Variants in ZNF222 observed in about 807,000 individuals in gnomAD.
The protein encoded by ZNF222 is zinc finger protein 222.
A neutral mutation model predicts 11.6 loss-of-function variants in ZNF222; 8 were observed. The observed-to-expected ratio is 0.69, with a 90% confidence interval of 0.41 to 1.25. The LOEUF (loss-of-function observed/expected upper bound fraction) is 1.25. ZNF222 is among the 50% of genes most tolerant of loss of function. The pLI, the probability that ZNF222 is intolerant of heterozygous loss-of-function variation, is 0.01. For synonymous variants in ZNF222, 171 were observed against 195.6 expected (o/e 0.87, Z 1.05); for missense variants, 483 against 576.1 (o/e 0.84, Z 1.65).
chr19:44,032,827 T>A lies in ZNF222; in HGVS notation c.1273T>A (p.Leu425Met). 6.2e-7 allele frequency: 1 copy of A among 1,613,352 alleles called. No individual in the cohort carries two copies. Among genetic ancestry groups the A allele is most frequent in the South Asian group, 1.1e-5 (1 of 90,872 alleles). ...GKSFRHASSI[L>M]NHKKLHCQRK... ...GAGCTTTAGACATGCTTCTAGTATTTTGAATCATAAGAAACTCCACTGCCA... is the reference window on the plus strand; with the variant it reads ...GAGCTTTAGACATGCTTCTAGTATTATGAATCATAAGAAACTCCACTGCCA... Residue 425 changes from leucine to methionine, a missense_variant, in exon 4 of 4, where the codon TTG becomes ATG. Transcript: ENST00000391960.
Position 44,025,517 on chromosome 19 carries a change from G to T in ZNF222, c.42+39G>T. ...CGGGCGGGGATTGCCGTTCCAGTCA[G>T]CTGAGCCTTCTGGCGTCGGGGGGCT... is the stretch of plus-strand genomic sequence containing the variant. On this transcript the variant is annotated intron_variant, in intron 1 of 3. Transcript: ENST00000391960. The surrounding 1 kb of genome is among the most constrained non-coding windows in gnomAD (Gnocchi z 4.6). 1 of 1,530,472 alleles carries T rather than the reference G, an allele frequency of 6.5e-7. No homozygotes were observed. The highest frequency in any genetic ancestry group is 1.2e-5 in the South Asian group (1 of 81,324). The allele number at this position is 1,530,472 out of a possible 1,614,324, so 94.8% of individuals were successfully genotyped here.
At position 44,032,915 on chromosome 19, in the gene ZNF222, AC is replaced by A; in HGVS notation, c.1363del (p.Gln455AsnfsTer24). On this transcript the variant is annotated frameshift_variant, in exon 4 of 4. Transcript: ENST00000391960. LOFTEE classifies it low-confidence loss of function (END_TRUNC). ...CTTGTATGCCGGTCATACTGTAAAG[AC>A]CAACAAAGAGACCACAGTGGAGAAA... ...KRLVCRSYCK[D>X]QQRDHSGENP... 1 of 1,612,954 alleles carries A rather than the reference AC, an allele frequency of 6.2e-7. No individual in the cohort carries two copies. The highest frequency in any genetic ancestry group is 1.1e-5 in the South Asian group (1 of 90,652).
intron 1 of ZNF222, 60 bp from the exon 2 acceptor site, chr19:44,026,963 C>A: frequency 6.2e-7 from 1 of 1,607,674 alleles, no homozygotes. Context: ...CAGTGCAATG[C>A]TGCTGTCTCC....
intron 3 of ZNF222, among the ~76,000 whole-genome samples, chr19:44,031,339 G>A (rs1976496632): frequency 6.6e-6 from 1 of 152,208 alleles, no homozygotes; most frequent in South Asian, 2.1e-4. Flanking sequence ...AAACCAGGGT[G>A]CACTTGGAAA....
intron 3 of ZNF222, among the ~76,000 whole-genome samples, chr19:44,029,191 G>GTTTTTTTTTTTTTT (rs1171435860): frequency 0.011 from 683 of 61,722 alleles, 4 homozygotes; most frequent in Middle Eastern, 0.045. Flanking sequence ...GTTTTGTTTT[G>GTTTTTTTTTTTTTT]TTTTTTTTTT....
chr19:44,031,723 CA>C (rs1320176072), intron 3 of ZNF222, 93 bp from the exon 4 acceptor site: 46 of 1,389,236 alleles, frequency 3.3e-5, no homozygotes, highest in Non-Finnish European at 4.2e-5. Context: ...CCTCACAGTC[CA>C]CCCGCCTCGG....
At chr19:44,030,555 G>A (rs188267272) in intron 3 of ZNF222, among the ~76,000 whole-genome samples, 1 of 152,322 alleles carries the variant, frequency 6.6e-6, no homozygotes, top group African/African-American at 2.4e-5. Context: ...GGGAAAACAT[G>A]CATATTATAG....
rs1976536893 is a variant in ZNF222, at chr19:44,032,812, C to T, written c.1258C>T (p.His420Tyr). 3.1e-6 allele frequency: 5 copies of T among 1,613,876 alleles called. No homozygotes were observed. Among genetic ancestry groups the T allele is most frequent in the Non-Finnish European group, 4.2e-6 (5 of 1,179,958 alleles). The change falls in exon 4 of 4, where the codon CAT (histidine) becomes TAT (tyrosine). Residue 420 changes from histidine (H) to tyrosine (Y), a missense_variant. His to Tyr is a moderately conservative substitution (Grantham distance 83). Transcript: ENST00000391960. ...TGATAACTGCGGGAAGAGCTTTAGACATGCTTCTAGTATTTTGAATCATAA... is the reference window on the plus strand; with the variant it reads ...TGATAACTGCGGGAAGAGCTTTAGATATGCTTCTAGTATTTTGAATCATAA... ...NCDNCGKSFR[H>Y]ASSILNHKKL...
Position 44,032,414 on chromosome 19 carries a change from A to G in ZNF222, c.860A>G (p.His287Arg). ...ATGCACAATTTCCAGCTTCAGAAAC[A>G]TCACAGAATTCATACTGGGGAGAAG... ...AFMHNFQLQK[H>R]HRIHTGEKPF... Residue 287 changes from histidine to arginine, a missense_variant, in exon 4 of 4, where the codon CAT becomes CGT. Transcript: ENST00000391960. 1 of 1,614,248 alleles carries G rather than the reference A, an allele frequency of 6.2e-7. No individual in the cohort carries two copies. The highest frequency in any genetic ancestry group is 8.5e-7 in the Non-Finnish European group (1 of 1,180,048).
chr19:44,025,383 A>G lies in ZNF222; in HGVS notation c.-54A>G. 3 of 1,543,892 alleles carry G rather than the reference A, an allele frequency of 1.9e-6. No individual in the cohort carries two copies. Among genetic ancestry groups the G allele is most frequent in the Non-Finnish European group, 2.6e-6 (3 of 1,139,996 alleles). On this transcript the variant is annotated 5_prime_UTR_variant, in exon 1 of 4. Coordinates refer to ENST00000391960, the MANE Select transcript of ZNF222 (RefSeq NM_001129996.2). This position sits in a 1 kb window ranked among gnomAD's most constrained non-coding sequence, Gnocchi z 4.6. ...CCACAGTAGTTTGAGTCATTTCCAC[A>G]TCTTGCGAGTCCTTCCGAACGAGTC...
chr19:44,026,552 A>ATTTTTTT (rs1238495791), intron 1 of ZNF222, among the ~76,000 whole-genome samples: 4 of 126,660 alleles, frequency 3.2e-5, no homozygotes, highest in African/African-American at 1.7e-4. Context: ...CTATATATAT[A>ATTTTTTT]TATATTTTTT....
rs778386139 is a variant in ZNF222 at position 44,032,094 on chromosome 19, A to C, written c.540A>C (p.Ser180=). 6 of 1,614,124 alleles carry C rather than the reference A, an allele frequency of 3.7e-6. No homozygotes were observed. Among genetic ancestry groups the C allele is most frequent in the African/African-American group, 1.3e-5 (1 of 74,950 alleles). The change falls in exon 4 of 4, where the codon TCA becomes TCC. Residue 180 remains serine, a synonymous_variant. Coordinates refer to ENST00000391960, the MANE Select transcript of ZNF222 (RefSeq NM_001129996.2). ...SFFDLPQQLY[S]GEKSHTCDEC... is the part of the protein sequence containing the mutation. ...TTGATCTTCCTCAGCAGTTATATTCAGGAGAGAAGTCTCATACCTGTGATG... is the reference window on the plus strand; with the variant it reads ...TTGATCTTCCTCAGCAGTTATATTCCGGAGAGAAGTCTCATACCTGTGATG...
In ZNF222 at chr19:44,031,813, A is replaced by T; in HGVS notation, c.263-4A>T. The T allele has an allele frequency of 6.2e-7, 1 of 1,611,334 alleles. No homozygotes were observed. The highest frequency in any genetic ancestry group is 8.5e-7 in the Non-Finnish European group (1 of 1,178,508). ...CCACATGTCTTAATTCTGTGTCCTT[A>T]TAGGAGGCAAGATCCAAACTGAGAT... On this transcript the variant is annotated splice_polypyrimidine_tract_variant and splice_region_variant and intron_variant, in intron 3 of 3. Transcript: ENST00000391960.
At position 44,032,978 on chromosome 19, in the gene ZNF222, A is replaced by G; in HGVS notation, c.1424A>G (p.Lys475Arg). The change falls in exon 4 of 4, where the codon AAG becomes AGG. Residue 475 changes from lysine (K) to arginine (R), a missense_variant. Coordinates refer to ENST00000391960, the MANE Select transcript of ZNF222 (RefSeq NM_001129996.2). ...SKCEDCGKRY[K>R]RRLNLDIILS... ...TGTGAGGACTGTGGGAAGCGCTACA[A>G]GAGGCGCTTGAATCTGGATATAATT... 1 of 1,575,544 alleles carries G rather than the reference A, an allele frequency of 6.3e-7. No homozygotes were observed. The highest frequency in any genetic ancestry group is 8.6e-7 in the Non-Finnish European group (1 of 1,168,964).
In ZNF222 at chr19:44,027,056, T is replaced by C; in HGVS notation, c.76T>C (p.Phe26Leu). ...AVTFKDVAVI[F>L]TEEELGLLDP... is the part of the protein sequence containing the mutation. ...GACCTTCAAGGATGTGGCTGTGATC[T>C]TCACTGAGGAGGAGCTGGGGCTGCT... The change falls in exon 2 of 4, where the codon TTC (phenylalanine) becomes CTC (leucine). Residue 26 changes from phenylalanine to leucine, a missense_variant. Physicochemically the swap from Phe to Leu is conservative, Grantham distance 22 (BLOSUM62 0). Transcript: ENST00000391960. 6.2e-7 allele frequency: 1 copy of C among 1,614,100 alleles called. No individual in the cohort carries two copies. The highest frequency in any genetic ancestry group is 8.5e-7 in the Non-Finnish European group (1 of 1,180,018).
rs1217721144 is a variant in ZNF222 at position 44,029,181 on chromosome 19, GTTTTGT to G, written c.262+1695_262+1700del. Among the ~76,000 whole-genome samples the G allele has an allele frequency of 6.4e-3, 729 of 113,164 alleles. 18 individuals carry two copies. Among genetic ancestry groups the G allele is most frequent in the East Asian group, 9.6e-3 (38 of 3,944 alleles). 74.2% of individuals were successfully genotyped at this position (113,164 alleles called of 152,430 possible). A position where few individuals can be genotyped will look rare whatever the true frequency, so the allele number is the denominator to read the frequency against. The stretch of plus-strand genomic sequence containing the variant: ...TATGTTGCAGGACAGTTGTTGGTTT[GTTTTGT>G]TTTGTTTTTTTTTTTTTTTTTTTTT... On this transcript the variant is annotated intron_variant, in intron 3 of 3. Coordinates refer to ENST00000391960, the MANE Select transcript of ZNF222 (RefSeq NM_001129996.2).
chr19:44,029,551 A>G (rs746477289), intron 3 of ZNF222, among the ~76,000 whole-genome samples: 1 of 152,194 alleles, frequency 6.6e-6, no homozygotes, highest in Non-Finnish European at 1.5e-5. Context: ...CTTTATATTT[A>G]TAGAGATATA....
chr19:44,030,446 T>A (rs956815851), intron 3 of ZNF222, among the ~76,000 whole-genome samples: 3 of 152,228 alleles, frequency 2.0e-5, no homozygotes, highest in Non-Finnish European at 4.4e-5. Context: ...AAGTGAAAAT[T>A]CGGCAGCTTT....
rs757143071 is a variant in ZNF222 at position 44,032,553 on chromosome 19, T to A, written c.999T>A (p.Gly333=). Residue 333 remains glycine, a synonymous_variant, in exon 4 of 4, where the codon GGT becomes GGA. Coordinates refer to ENST00000391960, the MANE Select transcript of ZNF222 (RefSeq NM_001129996.2). ...ACAAATCTGAAAAGTATGGAAGAGG[T>A]TTCATTGATAGGCTAGATTTGCATA... ...KLYKSEKYGR[G]FIDRLDLHKH... is the part of the protein sequence containing the mutation. The A allele has an allele frequency of 1.1e-5, 18 of 1,613,992 alleles. No homozygotes were observed. The highest frequency in any genetic ancestry group is 1.5e-5 in the Non-Finnish European group (18 of 1,180,010).
Sources: gnomAD v4.1 joint callset for allele counts (sites outside exome capture counted in the v4.1 genomes callset) on GRCh38, gnomAD v4.1.1 for gene constraint, Gnocchi (gnomAD v3.1) non-coding constraint, MANE v1.5 for transcripts, NCBI Gene and HGNC (gene_info 2026-07-23, HGNC 2026-07-21) for gene names.